PRKD1: variants seen among roughly 807,000 people sequenced by gnomAD.
PRKD1 encodes protein kinase D1.
PRKD1 carries 63 observed loss-of-function variants against 95.9 expected under a neutral mutation model. The observed-to-expected ratio is 0.66, with a 90% CI of 0.54 to 0.81. The LOEUF is 0.81. Among genes scored for constraint, PRKD1 ranks in the 30% least tolerant of loss-of-function variants. PRKD1 has a pLI of 0.00. For synonymous variants in PRKD1, 425 were observed against 423.1 expected (o/e 1.00, Z -0.05); for missense variants, 1,048 against 1,165.3 (o/e 0.90, Z 1.47).
chr14:29,857,951 A>C (rs1162007215), intron 1 of PRKD1, among the ~76,000 whole-genome samples: 2 of 152,174 alleles, frequency 1.3e-5, no homozygotes, highest in Non-Finnish European at 2.9e-5. Context: ...CTATCATAGT[A>C]CCACAGTGAA....
chr14:29,794,495 CTTAT>C (rs1324690818), intron 1 of PRKD1, among the ~76,000 whole-genome samples: 3 of 151,912 alleles, frequency 2.0e-5, no homozygotes, highest in African/African-American at 7.3e-5. Context: ...CAGTGATTTA[CTTAT>C]TTATTTAAAA....
At chr14:29,636,613 G>C in intron 6 of PRKD1, 119 bp from the exon 7 acceptor site, 2 of 968,114 alleles carry the variant, frequency 2.1e-6, no homozygotes, top group Admixed American at 5.5e-5. Flanking sequence ...GTTCTGTGAT[G>C]AGTTTATTTT....
At chr14:29,860,477 G>T (rs555349022) in intron 1 of PRKD1, among the ~76,000 whole-genome samples, 1 of 151,924 alleles carries the variant, frequency 6.6e-6, no homozygotes, top group African/African-American at 2.4e-5. Flanking sequence ...ACTCAGAGTT[G>T]CTGCAATCAA....
At chr14:29,748,099 G>A (rs1230738354) in intron 1 of PRKD1, among the ~76,000 whole-genome samples, 1 of 152,058 alleles carries the variant, frequency 6.6e-6, no homozygotes, top group Non-Finnish European at 1.5e-5. Context: ...TATACTTTTT[G>A]TAACATGTGT....
At chr14:29,888,749 A>G (rs1893830808) in intron 1 of PRKD1, among the ~76,000 whole-genome samples, 1 of 152,224 alleles carries the variant, frequency 6.6e-6, no homozygotes. Flanking sequence ...GCTCCTCAAT[A>G]ATGCAGAATT....
At chr14:29,875,992 A>G (rs1893272556) in intron 1 of PRKD1, among the ~76,000 whole-genome samples, 2 of 152,196 alleles carry the variant, frequency 1.3e-5, no homozygotes, top group African/African-American at 2.4e-5. Flanking sequence ...CTGAGCCCCA[A>G]TTCCAAAAGG....
chr14:29,809,971 T>C (rs1890410813), intron 1 of PRKD1, among the ~76,000 whole-genome samples: 2 of 152,164 alleles, frequency 1.3e-5, no homozygotes, highest in Admixed American at 1.3e-4. Flanking sequence ...TAGAAGTCAT[T>C]GTAGAGTTAT....
intron 1 of PRKD1, among the ~76,000 whole-genome samples, chr14:29,752,778 C>T (rs973450030): frequency 6.6e-6 from 1 of 151,926 alleles, no homozygotes; most frequent in South Asian, 2.1e-4. Flanking sequence ...CAAAGAGCAG[C>T]CTACGGTACA....
At chr14:29,657,020 A>G (rs45493297) in intron 4 of PRKD1, among the ~76,000 whole-genome samples, 1 of 152,332 alleles carries the variant, frequency 6.6e-6, no homozygotes, top group East Asian at 1.9e-4. Flanking sequence ...TGGTTTCCAA[A>G]CCTAGAAAGT....
chr14:29,846,378 G>A (rs1174178297), intron 1 of PRKD1, among the ~76,000 whole-genome samples: 2 of 152,172 alleles, frequency 1.3e-5, no homozygotes, highest in African/African-American at 2.4e-5. Context: ...GAGGGGTGAC[G>A]TTTAGCTGTA....
At chr14:29,850,479 CAT>C (rs1555350847) in intron 1 of PRKD1, among the ~76,000 whole-genome samples, 73 of 145,442 alleles carry the variant, frequency 5.0e-4, no homozygotes, top group Non-Finnish European at 9.3e-4. Context: ...CACACACACA[CAT>C]ATACACACAC....
At chr14:29,905,884 G>C (rs1295229148) in intron 1 of PRKD1, among the ~76,000 whole-genome samples, 1 of 152,160 alleles carries the variant, frequency 6.6e-6, no homozygotes, top group Admixed American at 6.5e-5. Context: ...ACCCAGCGGG[G>C]CTTATAACTC....
intron 1 of PRKD1, among the ~76,000 whole-genome samples, chr14:29,749,655 A>G (rs1298864418): frequency 6.6e-6 from 1 of 152,138 alleles, no homozygotes; most frequent in Non-Finnish European, 1.5e-5. Flanking sequence ...AAATCACATA[A>G]AGTTGTGGGT....
chr14:29,608,104 A>G (rs2139038452), intron 13 of PRKD1, among the ~76,000 whole-genome samples: 1 of 152,352 alleles, frequency 6.6e-6, no homozygotes, highest in African/African-American at 2.4e-5. Flanking sequence ...ACATCCATGT[A>G]TCTGCCAATC....
chr14:29,676,205 C>CTTTTTTTTTTTTTTTTT (rs1883206593), intron 2 of PRKD1, among the ~76,000 whole-genome samples: 16 of 30,100 alleles, frequency 5.3e-4, no homozygotes, highest in African/African-American at 7.9e-4. Context: ...TTTTTTTTTG[C>CTTTTTTTTTTTTTTTTT]TGAGTTGTAT....
chr14:29,753,913 T>C (rs547003564), intron 1 of PRKD1, among the ~76,000 whole-genome samples: 5 of 152,266 alleles, frequency 3.3e-5, no homozygotes, highest in African/African-American at 1.2e-4. Flanking sequence ...CATGCCTCCT[T>C]ACGTACCTGT....
chr14:29,610,915 T>C (rs1044887905), intron 13 of PRKD1, among the ~76,000 whole-genome samples: 1 of 152,164 alleles, frequency 6.6e-6, no homozygotes, highest in Non-Finnish European at 1.5e-5. Context: ...GGCCACATAC[T>C]ATGTGATTCC....
intron 1 of PRKD1, among the ~76,000 whole-genome samples, chr14:29,872,537 A>G (rs1893145585): frequency 6.6e-6 from 1 of 151,992 alleles, no homozygotes; most frequent in Non-Finnish European, 1.5e-5. Flanking sequence ...CTGTAGTCCC[A>G]GCTACTCGGG....
chr14:29,795,995 A>G (rs1255574249), intron 1 of PRKD1, among the ~76,000 whole-genome samples: 2 of 152,170 alleles, frequency 1.3e-5, no homozygotes, highest in Non-Finnish European at 2.9e-5. Context: ...TTCTTTAGTT[A>G]TAAATGCTAT....
Sources: allele counts gnomAD v4.1 joint callset (sites outside exome capture counted in the v4.1 genomes callset), GRCh38; gene constraint gnomAD v4.1.1; transcripts MANE v1.5; gene names NCBI Gene and HGNC (gene_info 2026-07-23, HGNC 2026-07-21).